NRXN2: variants seen among roughly 807,000 people sequenced by gnomAD.
NRXN2 encodes neurexin-2-beta.
A neutral mutation model predicts 128.8 loss-of-function variants in NRXN2; 29 were observed. The observed-to-expected ratio is 0.23, with a 90% CI of 0.17 to 0.31. NRXN2 has a LOEUF of 0.31. Among genes scored for constraint, NRXN2 ranks in the 10% least tolerant of loss-of-function variants. NRXN2 has a pLI of 1.00. For synonymous variants in NRXN2, 1,098 were observed against 1,075.2 expected (o/e 1.02, Z -0.41); for missense variants, 1,881 against 2,452.6 (o/e 0.77, Z 4.92).
chr11:64,672,341 A>G (rs1300498376), intron 7 of NRXN2, among the ~76,000 whole-genome samples: 1 of 152,208 alleles, frequency 6.6e-6, no homozygotes, highest in East Asian at 1.9e-4. Context: ...TGGGCACTCC[A>G]TGTCCACATG....
rs2039738214 is a variant in NRXN2 at position 64,607,052 on chromosome 11, TTCTTTTTTTGCGTTTCC to T, written c.*127_*143del. The T allele has an allele frequency of 1.1e-6, 1 of 899,172 alleles. No homozygotes were observed. The highest frequency in any genetic ancestry group is 1.7e-5 in the African/African-American group (1 of 59,590). The allele number at this position is 899,172 out of a possible 1,614,324, so 55.7% of individuals were successfully genotyped here. A position where few individuals can be genotyped will look rare whatever the true frequency, so the allele number is the denominator to read the frequency against. On this transcript the variant is annotated 3_prime_UTR_variant, in exon 23 of 23. Coordinates refer to ENST00000265459, the MANE Select transcript of NRXN2 (RefSeq NM_015080.4). ...GGGGGCGAGCACGGGGTTTTTCCTT[TTCTTTTTTTGCGTTTCC>T]TCTTCGTAAGAGAAGCCTGAGGCAG...
At chr11:64,614,398 T>C (rs897742922) in intron 22 of NRXN2, among the ~76,000 whole-genome samples, 4 of 152,208 alleles carry the variant, frequency 2.6e-5, no homozygotes, top group Non-Finnish European at 5.9e-5. Flanking sequence ...AAACCACCCT[T>C]GGGCCCCAAA....
intron 22 of NRXN2, among the ~76,000 whole-genome samples, chr11:64,617,950 C>G (rs2041788431): frequency 6.6e-6 from 1 of 152,174 alleles, no homozygotes; most frequent in Admixed American, 6.5e-5. Context: ...GTACTCTGCC[C>G]TCCCTCCTGG....
rs2039688775 is a variant in NRXN2, at chr11:64,606,648, C to G, written c.*548G>C. 6.8e-6 allele frequency: 1 copy of G among 146,548 alleles called. No individual in the cohort carries two copies. Among genetic ancestry groups the G allele is most frequent in the Non-Finnish European group, 1.5e-5 (1 of 66,500 alleles). 9.1% of individuals were successfully genotyped at this position (146,548 alleles called of 1,614,324 possible). On this transcript the variant is annotated 3_prime_UTR_variant, in exon 23 of 23. Coordinates refer to ENST00000265459, the MANE Select transcript of NRXN2 (RefSeq NM_015080.4). ...CACTCGGGCCCACCCTCCCGCCCTT[C>G]TCCCACCGACTCTGGAAACCCAAAG...
chr11:64,620,449 CACGGTGG>C, intron 21 of NRXN2, 77 bp from the exon 22 acceptor site: 2 of 1,113,416 alleles, frequency 1.8e-6, no homozygotes, highest in Non-Finnish European at 2.7e-6. Flanking sequence ...ACTTGAGGTG[CACGGTGG>C]CACGGGGGAT....
intron 22 of NRXN2, among the ~76,000 whole-genome samples, chr11:64,612,926 G>A (rs927244616): frequency 1.3e-5 from 2 of 152,222 alleles, no homozygotes; most frequent in Admixed American, 1.3e-4. Context: ...TCCTCTCAGT[G>A]GACACGGTCC....
At chr11:64,701,935 C>A (rs578044747) in intron 2 of NRXN2, among the ~76,000 whole-genome samples, 1 of 144,920 alleles carries the variant, frequency 6.9e-6, no homozygotes, top group Non-Finnish European at 1.5e-5. Context: ...GGCCAGCCGC[C>A]CCGTCCAGGA....
At chr11:64,682,643 A>C (rs1169152305) in intron 6 of NRXN2, among the ~76,000 whole-genome samples, 1 of 152,256 alleles carries the variant, frequency 6.6e-6, no homozygotes, top group African/African-American at 2.4e-5. Context: ...TTCGATAGCC[A>C]GCTTGTCTTC....
chr11:64,663,227 G>A (rs528860895), intron 9 of NRXN2, among the ~76,000 whole-genome samples: 11 of 152,018 alleles, frequency 7.2e-5, no homozygotes, highest in South Asian at 2.1e-4. Flanking sequence ...AAAATTAGCC[G>A]GGCATGGTGG....
chr11:64,708,746 T>C (rs2056593338), intron 2 of NRXN2, among the ~76,000 whole-genome samples: 1 of 152,246 alleles, frequency 6.6e-6, no homozygotes, highest in South Asian at 2.1e-4. Flanking sequence ...ATTTTTCTAA[T>C]GTATATTTTA....
At chr11:64,678,474 C>T (rs2051680060) in intron 6 of NRXN2, among the ~76,000 whole-genome samples, 1 of 152,058 alleles carries the variant, frequency 6.6e-6, no homozygotes, top group Non-Finnish European at 1.5e-5. Context: ...CCCATAAACC[C>T]CTGAGTCTCC....
At chr11:64,703,974 C>T (rs1361834996) in intron 2 of NRXN2, among the ~76,000 whole-genome samples, 1 of 152,210 alleles carries the variant, frequency 6.6e-6, no homozygotes, top group Non-Finnish European at 1.5e-5. Context: ...CAAACCATGG[C>T]AGCCTATGCT....
At chr11:64,615,132 G>A (rs1189855230) in intron 22 of NRXN2, among the ~76,000 whole-genome samples, 1 of 152,220 alleles carries the variant, frequency 6.6e-6, no homozygotes, top group Non-Finnish European at 1.5e-5. Flanking sequence ...ACAGAATGTG[G>A]GCAGGAGCCT....
chr11:64,702,655 A>G (rs1469667656), intron 2 of NRXN2, among the ~76,000 whole-genome samples: 7 of 151,858 alleles, frequency 4.6e-5, no homozygotes, highest in Non-Finnish European at 8.8e-5. Flanking sequence ...CCAGGGACAC[A>G]AACACTGCGG....
In NRXN2 at chr11:64,713,714, C is replaced by T. The variant is rs947031234; in HGVS notation, c.-15G>A. 65 of 1,050,062 alleles carry T rather than the reference C, an allele frequency of 6.2e-5. No homozygotes were observed. In the African/African-American group the frequency reaches 1.1e-3, roughly 17 times the overall value. 65.0% of individuals were successfully genotyped at this position (1,050,062 alleles called of 1,614,324 possible). On this transcript the variant is annotated 5_prime_UTR_variant, in exon 2 of 23. Transcript: ENST00000265459. Reference sequence around the variant, plus strand: ...CCGGACGCCATGCCTACGGCGGCCCCGGCCCCGCCCGGCCCCCGGCCCCCG... The same window carrying T: ...CCGGACGCCATGCCTACGGCGGCCCTGGCCCCGCCCGGCCCCCGGCCCCCG...
At chr11:64,646,594 TTAC>T (rs1300920350) in intron 17 of NRXN2, 1 of 84,614 alleles carries the variant, frequency 1.2e-5, no homozygotes, top group Non-Finnish European at 2.3e-5. Context: ...TAACTGCCTC[TTAC>T]TGAGGCCTGG....
intron 15 of NRXN2, among the ~76,000 whole-genome samples, 156 bp downstream of exon 15, chr11:64,650,292 G>C (rs1362494237): frequency 6.6e-6 from 1 of 152,062 alleles, no homozygotes; most frequent in African/African-American, 2.4e-5. Context: ...ACTTGGACAG[G>C]AAGATGTCAG....
In NRXN2 at chr11:64,713,782, G is replaced by A. The variant is rs1328133708; in HGVS notation, c.-83C>T. On this transcript the variant is annotated 5_prime_UTR_variant, in exon 2 of 23. Transcript: ENST00000265459. The stretch of plus-strand genomic sequence containing the variant: ...CGGGCGCATGGGGCGGGAGGGGGCC[G>A]GGCGCTCCCCGCGCTGAGCGGGGCT... 2.5e-6 allele frequency: 2 copies of A among 799,298 alleles called. No individual in the cohort carries two copies. The highest frequency in any genetic ancestry group is 3.7e-5 in the African/African-American group (2 of 53,382). 49.5% of individuals were successfully genotyped at this position (799,298 alleles called of 1,614,324 possible). A position where few individuals can be genotyped will look rare whatever the true frequency, so the allele number is the denominator to read the frequency against.
Position 64,713,001 on chromosome 11 carries a change from G to C in NRXN2, c.699C>G (p.His233Gln), listed in dbSNP as rs530255632. Reference protein sequence around the residue: ...APGEVGCDCSHTGFGGKFCSE... With the variant: ...APGEVGCDCSQTGFGGKFCSE... ...TGCAGAACTTGCCGCCGAAGCCCGTGTGGCTGCAGTCGCAGCCCACCTCGC... is the reference window on the plus strand; with the variant it reads ...TGCAGAACTTGCCGCCGAAGCCCGTCTGGCTGCAGTCGCAGCCCACCTCGC... The change falls in exon 2 of 23, where the codon CAC becomes CAG. Residue 233 changes from histidine to glutamine, a missense_variant. His to Gln is a conservative substitution (Grantham distance 24). Coordinates refer to ENST00000265459, the MANE Select transcript of NRXN2 (RefSeq NM_015080.4). 282 of 1,492,276 alleles carry C rather than the reference G, an allele frequency of 1.9e-4. 3 individuals are homozygous for C. The East Asian group carries it at 6.5e-3, about 34-fold the overall frequency. 92.4% of individuals were successfully genotyped at this position (1,492,276 alleles called of 1,614,324 possible).
Sources: allele counts gnomAD v4.1 joint callset (sites outside exome capture counted in the v4.1 genomes callset), GRCh38; gene constraint gnomAD v4.1.1; transcripts MANE v1.5; gene names NCBI Gene and HGNC (gene_info 2026-07-23, HGNC 2026-07-21).